The following PHLDB2 variants were observed in gnomAD, a reference collection of about 807,000 sequenced individuals.
The protein encoded by PHLDB2 is pleckstrin homology-like domain family B member 2.
Under a neutral mutation model 123.6 loss-of-function variants are expected in PHLDB2, and 71 were observed. The ratio of observed to expected loss-of-function variants is 0.57; its 90% CI spans 0.47 to 0.70. PHLDB2 has a LOEUF of 0.70. PHLDB2 is among the 30% of genes least tolerant of loss of function. PHLDB2 has a pLI of 0.00. For synonymous variants in PHLDB2, 547 were observed against 541.6 expected (o/e 1.01, Z -0.14); for missense variants, 1,446 against 1,519.5 (o/e 0.95, Z 0.80).
At chr3:111,868,290 G>C (rs1317293757) in intron 1 of PHLDB2, among the ~76,000 whole-genome samples, 1 of 152,160 alleles carries the variant, frequency 6.6e-6, no homozygotes, top group Non-Finnish European at 1.5e-5. Context: ...GAAGTGCTGG[G>C]ATTATGAGCC....
rs939012579 is a variant in PHLDB2 at position 111,967,776 on chromosome 3, G to A, written c.3267G>A (p.Gln1089=). Residue 1089 remains glutamine, a synonymous_variant, in exon 15 of 18, where the codon CAG becomes CAA. Transcript: ENST00000431670. The part of the protein sequence containing the change: ...KRLQEETSQR[Q]KLIEKEVKIR... Reference sequence around the variant, plus strand: ...TACAGGAAGAAACTAGCCAGAGGCAGAAGTTAATAGAAAAGGAAGTAAAAA... The same window carrying A: ...TACAGGAAGAAACTAGCCAGAGGCAAAAGTTAATAGAAAAGGAAGTAAAAA... 1.2e-6 allele frequency: 2 copies of A among 1,612,180 alleles called. No homozygotes were observed. Among genetic ancestry groups the A allele is most frequent in the African/African-American group, 1.3e-5 (1 of 74,706 alleles).
chr3:111,939,718 A>G (rs2107598044), intron 7 of PHLDB2, 88 bp downstream of exon 7: 1 of 1,313,430 alleles, frequency 7.6e-7, no homozygotes, highest in South Asian at 1.5e-5. Flanking sequence ...TGAATATCAC[A>G]TTTGACAGAT....
chr3:111,866,930 G>GGTGT (rs3082321), intron 1 of PHLDB2, among the ~76,000 whole-genome samples: 7,453 of 125,898 alleles, frequency 0.059, 253 homozygotes, highest in African/African-American at 0.079. Context: ...GTTTCTAAGG[G>GGTGT]GTGTGTGTGT....
chr3:111,887,589 G>A (rs1394750002), intron 2 of PHLDB2, among the ~76,000 whole-genome samples: 1 of 152,140 alleles, frequency 6.6e-6, no homozygotes, highest in African/African-American at 2.4e-5. Context: ...ATTAGAGATA[G>A]AGCAGTATGA....
chr3:111,859,626 G>A, intron 1 of PHLDB2, 50 bp downstream of exon 1: 1 of 984,870 alleles, frequency 1.0e-6, no homozygotes, highest in Non-Finnish European at 1.2e-6. Context: ...TGCCGACTCC[G>A]TGTGCCAGGA....
Position 111,804,093 on chromosome 3 carries a change from CCAT to C in PHLDB2, c.-48-41727_-48-41725del, listed in dbSNP as rs534180356. On this transcript the variant is annotated intron_variant, in intron 1 of 17. Transcript: ENST00000393923. ...ACATTTTTTCTGATCGTCCTCTCCT[CCAT>C]GAGATTTAATGCCACAGAGACACCA... Among the ~76,000 whole-genome samples the C allele has an allele frequency of 1.5e-3, 231 of 152,266 alleles. 2 individuals carry two copies. The highest frequency in any genetic ancestry group is 3.4e-3 in the Middle Eastern group (1 of 294).
At chr3:111,770,568 AC>A (rs2060159217) in intron 1 of PHLDB2, among the ~76,000 whole-genome samples, 1 of 152,180 alleles carries the variant, frequency 6.6e-6, no homozygotes, top group South Asian at 2.1e-4. Flanking sequence ...ACAGACACGC[AC>A]TTGGGAAAAT....
intron 1 of PHLDB2, among the ~76,000 whole-genome samples, chr3:111,779,604 G>A (rs1309415585): frequency 1.3e-5 from 2 of 152,020 alleles, no homozygotes; most frequent in Non-Finnish European, 2.9e-5. Context: ...TTTTATGGCT[G>A]CATAGTATAT....
intron 1 of PHLDB2, among the ~76,000 whole-genome samples, chr3:111,761,754 G>T (rs2059998627): frequency 6.6e-6 from 1 of 152,142 alleles, no homozygotes; most frequent in South Asian, 2.1e-4. Context: ...AGGTGATGCT[G>T]GTCGGGGATA....
chr3:111,974,597 GGC>G lies in PHLDB2; in HGVS notation c.*35_*36del. On this transcript the variant is annotated 3_prime_UTR_variant, in exon 18 of 18. Coordinates refer to ENST00000431670, the MANE Select transcript of PHLDB2 (RefSeq NM_001134438.2). ...GGCAACAGTCCACTTCAGGGCAGAC[GGC>G]AATAATCTCTTACAAGAATGAAGCC... 1 of 1,555,772 alleles carries G rather than the reference GGC, an allele frequency of 6.4e-7. No individual in the cohort carries two copies. Among genetic ancestry groups the G allele is most frequent in the Non-Finnish European group, 8.7e-7 (1 of 1,148,984 alleles).
chr3:111,940,976 C>T (rs1480308416), intron 8 of PHLDB2, among the ~76,000 whole-genome samples: 2 of 152,268 alleles, frequency 1.3e-5, no homozygotes, highest in East Asian at 3.9e-4. Context: ...CATTCTAACA[C>T]CAATTTAGGG....
chr3:111,887,249 T>G lies in PHLDB2; in HGVS notation c.1335+1837T>G, dbSNP rs1019796135. On this transcript the variant is annotated intron_variant, in intron 2 of 17. Transcript: ENST00000431670. ...TGGGCCTGTTAAGTCATAAACAGTT[T>G]TGACTTCTTGGGAGAGCTTTGTGGA... Among the ~76,000 whole-genome samples the G allele has an allele frequency of 4.6e-5, 7 of 152,340 alleles. No individual in the cohort carries two copies. In the East Asian group the frequency reaches 5.8e-4, roughly 13 times the overall value.
chr3:111,920,472 A>G, intron 5 of PHLDB2, 53 bp downstream of exon 5: 1 of 1,578,886 alleles, frequency 6.3e-7, no homozygotes. Context: ...TGGTGGTCCC[A>G]GTTGATTGAA....
intron 1 of PHLDB2, among the ~76,000 whole-genome samples, chr3:111,747,919 C>T (rs13069980): frequency 0.51 from 76,801 of 151,918 alleles, 20,108 homozygotes; most frequent in African/African-American, 0.64. Context: ...GGTGTGGCAG[C>T]CCCTGGACCC....
chr3:111,940,535 G>C lies in PHLDB2; in HGVS notation c.2287G>C (p.Glu763Gln), dbSNP rs1172554669. The change falls in exon 8 of 18, where the codon GAA becomes CAA. Residue 763 changes from glutamate to glutamine, a missense_variant and splice_region_variant. Physicochemically the swap from Glu to Gln is conservative, Grantham distance 29. This residue lies in a region of PHLDB2 where 594 missense variants were observed against 646.0 expected (regional missense o/e 0.92). Transcript: ENST00000431670. ...EYQRNIVSRK[E>Q]KISALKKQAN... Reference sequence around the variant, plus strand: ...CCTATGATCATCTCTTTTCCTCCAGGAAAAAATTTCTGCATTGAAAAAGCA... The same window carrying C: ...CCTATGATCATCTCTTTTCCTCCAGCAAAAAATTTCTGCATTGAAAAAGCA... The C allele has an allele frequency of 3.8e-6, 6 of 1,584,596 alleles. No homozygotes were observed. The highest frequency in any genetic ancestry group is 5.2e-6 in the Non-Finnish European group (6 of 1,160,110).
intron 1 of PHLDB2, among the ~76,000 whole-genome samples, chr3:111,878,762 G>A (rs1354511272): frequency 1.3e-5 from 2 of 152,126 alleles, no homozygotes; most frequent in Non-Finnish European, 2.9e-5. Flanking sequence ...TTAGCATGAA[G>A]GGCTGTTGAA....
chr3:111,906,726 A>G (rs755216928), intron 2 of PHLDB2, among the ~76,000 whole-genome samples: 11 of 152,374 alleles, frequency 7.2e-5, no homozygotes, highest in South Asian at 2.1e-4. Flanking sequence ...CAAAATATCA[A>G]TAGTAATCTG....
At chr3:111,745,627 G>T (rs577111000) in intron 1 of PHLDB2, among the ~76,000 whole-genome samples, 1 of 152,156 alleles carries the variant, frequency 6.6e-6, no homozygotes, top group East Asian at 1.9e-4. Flanking sequence ...AGCTGGGCAT[G>T]GTGACACACC....
At chr3:111,941,884 A>AT (rs2069917574) in intron 8 of PHLDB2, among the ~76,000 whole-genome samples, 1 of 152,150 alleles carries the variant, frequency 6.6e-6, no homozygotes, top group Non-Finnish European at 1.5e-5. Flanking sequence ...TTATAAGCCC[A>AT]TTTGGGGTGC....
Sources: allele counts gnomAD v4.1 joint callset (sites outside exome capture counted in the v4.1 genomes callset), GRCh38; gene constraint gnomAD v4.1.1; regional missense constraint gnomAD v4.1.1; transcripts MANE v1.5; gene names NCBI Gene and HGNC (gene_info 2026-07-23, HGNC 2026-07-21).